The following NSD1 variants were observed in gnomAD, a reference collection of about 807,000 sequenced individuals.
NSD1 encodes histone-lysine N-methyltransferase, H3 lysine-36 specific.
Under a neutral mutation model 242.7 loss-of-function variants are expected in NSD1, and 26 were observed. The observed-to-expected ratio is 0.11, with a 90% CI of 0.08 to 0.15. The LOEUF (loss-of-function observed/expected upper bound fraction) is 0.15. NSD1 is among the 10% of genes least tolerant of loss of function. NSD1 has a pLI of 1.00. For missense variants in NSD1, 2,495 were observed against 3,272.8 expected (o/e 0.76, Z 5.80); for synonymous variants, 1,106 against 1,178.1 (o/e 0.94, Z 1.25).
intron 2 of NSD1, among the ~76,000 whole-genome samples, chr5:177,142,380 A>G (rs912413994): frequency 6.6e-6 from 1 of 152,254 alleles, no homozygotes; most frequent in Admixed American, 6.5e-5. Flanking sequence ...AAACTAGTGT[A>G]AACAATGACA....
intron 3 of NSD1, among the ~76,000 whole-genome samples, chr5:177,198,396 G>A (rs111452336): frequency 5.9e-4 from 90 of 152,218 alleles, no homozygotes; most frequent in Middle Eastern, 3.4e-3. Flanking sequence ...TCCCAAGTGA[G>A]GGCTGTCTTC....
chr5:177,160,478 T>G (rs1029823998), intron 2 of NSD1, among the ~76,000 whole-genome samples: 27 of 149,890 alleles, frequency 1.8e-4, no homozygotes, highest in African/African-American at 6.1e-4. Context: ...TTTTTTTGTA[T>G]TTTTAGTAGT....
At chr5:177,140,868 CA>C (rs969193617) in intron 2 of NSD1, among the ~76,000 whole-genome samples, 4 of 152,078 alleles carry the variant, frequency 2.6e-5, no homozygotes, top group African/African-American at 4.8e-5. Context: ...CTGCCTGAGA[CA>C]AAAATGATTC....
intron 12 of NSD1, among the ~76,000 whole-genome samples, chr5:177,253,733 A>G (rs1756194790): frequency 6.6e-6 from 1 of 152,028 alleles, no homozygotes; most frequent in Non-Finnish European, 1.5e-5. Flanking sequence ...CCCAGGCTCA[A>G]GCTATCCTTC....
intron 8 of NSD1, among the ~76,000 whole-genome samples, chr5:177,240,657 G>A (rs1019808855): frequency 1.3e-5 from 2 of 152,156 alleles, no homozygotes; most frequent in Admixed American, 1.3e-4. Flanking sequence ...AGCTTGCAGT[G>A]AGCCGAGATG....
At chr5:177,168,043 C>G (rs1297584434) in intron 2 of NSD1, among the ~76,000 whole-genome samples, 1 of 152,126 alleles carries the variant, frequency 6.6e-6, no homozygotes, top group African/African-American at 2.4e-5. Context: ...CATCGGGATT[C>G]CACTGAATCT....
At chr5:177,284,706 C>T (rs1442133343) in intron 20 of NSD1, among the ~76,000 whole-genome samples, 3 of 152,242 alleles carry the variant, frequency 2.0e-5, no homozygotes, top group Admixed American at 2.0e-4. Flanking sequence ...GCTCTTCAGT[C>T]TCCTTTCTCA....
chr5:177,238,434 G>A lies in NSD1; in HGVS notation c.4119G>A (p.Leu1373=). Residue 1373 remains leucine, a synonymous_variant, in exon 7 of 23, where the codon TTG becomes TTA. Transcript: ENST00000439151. This position sits in a 1 kb window ranked among gnomAD's most constrained non-coding sequence, Gnocchi z 4.6. ...GGHAELPQLT[L]SVPVAPEVSP... ...ATGCTGAGTTGCCGCAGCTGACCTT[G>A]TCTGTGCCTGTGGCTCCGGAAGTCT... 1.2e-6 allele frequency: 2 copies of A among 1,614,142 alleles called. No homozygotes were observed. The highest frequency in any genetic ancestry group is 1.3e-5 in the African/African-American group (1 of 75,050).
intron 2 of NSD1, among the ~76,000 whole-genome samples, chr5:177,157,933 A>C (rs981354968): frequency 6.6e-6 from 1 of 152,204 alleles, no homozygotes; most frequent in Non-Finnish European, 1.5e-5. Context: ...GTATGTATGC[A>C]TACTTCATTC....
chr5:177,260,215 A>G, intron 14 of NSD1, 47 bp downstream of exon 14: 1 of 1,563,652 alleles, frequency 6.4e-7, no homozygotes, highest in East Asian at 2.3e-5. Context: ...AAGGGATTAA[A>G]TCAATGTTTT....
At chr5:177,185,819 ATAAT>A (rs1272016812) in intron 2 of NSD1, among the ~76,000 whole-genome samples, 10 of 91,682 alleles carry the variant, frequency 1.1e-4, no homozygotes, top group Non-Finnish European at 9.5e-5. Flanking sequence ...ATTTATATAT[ATAAT>A]ATATAAGTTT....
chr5:177,136,245 T>C, intron 2 of NSD1: 2 of 520,360 alleles, frequency 3.8e-6, no homozygotes, highest in Non-Finnish European at 3.4e-6. Context: ...CAAATAACTC[T>C]TCATTGAGAG....
chr5:177,166,266 G>A (rs1759188178), intron 2 of NSD1, among the ~76,000 whole-genome samples: 2 of 151,984 alleles, frequency 1.3e-5, no homozygotes, highest in Admixed American at 6.6e-5. Flanking sequence ...TTGCTTTTAG[G>A]GTTGGGCAAG....
At chr5:177,139,159 G>A (rs1756595969) in intron 2 of NSD1, among the ~76,000 whole-genome samples, 2 of 151,826 alleles carry the variant, frequency 1.3e-5, no homozygotes, top group Admixed American at 6.6e-5. Flanking sequence ...GCTGAGGCAG[G>A]AGAATCACTT....
In NSD1 at chr5:177,199,318, C is replaced by T. The variant is rs1269341974; in HGVS notation, c.1064-4802C>T. Among the ~76,000 whole-genome samples, 5 of 152,084 alleles carry T rather than the reference C, an allele frequency of 3.3e-5. No homozygotes were observed. The South Asian group carries it at 6.2e-4, about 19-fold the overall frequency. ...TGTTGCTCAGGCTGGAGTGTAGTGA[C>T]GCGATGTCAGCTCACTGCAACCTCT... On this transcript the variant is annotated intron_variant, in intron 3 of 22. Coordinates refer to ENST00000439151, the MANE Select transcript of NSD1 (RefSeq NM_022455.5).
intron 13 of NSD1, 86 bp downstream of exon 13, chr5:177,257,237 T>TC: frequency 1.7e-6 from 2 of 1,204,810 alleles, no homozygotes; most frequent in Admixed American, 2.2e-5. Context: ...TCTTTTTTTT[T>TC]TTTTTTTTTT....
At chr5:177,277,731 G>T (rs1202936261) in intron 17 of NSD1, among the ~76,000 whole-genome samples, 3 of 152,036 alleles carry the variant, frequency 2.0e-5, no homozygotes, top group African/African-American at 7.2e-5. Context: ...AAAAAATTTG[G>T]GGTGCCTGTT....
intron 18 of NSD1, among the ~76,000 whole-genome samples, chr5:177,282,140 A>G (rs1758939851): frequency 2.0e-5 from 3 of 152,192 alleles, no homozygotes. Flanking sequence ...GGGGAAGCCA[A>G]TTCTCGGGCT....
At chr5:177,244,376 C>T (rs1314706685) in intron 9 of NSD1, 106 bp downstream of exon 9, 7 of 823,458 alleles carry the variant, frequency 8.5e-6, no homozygotes, top group Non-Finnish European at 2.0e-6. Flanking sequence ...CAGTGAGGTA[C>T]AAGTTTTAAA....
Sources: gnomAD v4.1 joint callset for allele counts (sites outside exome capture counted in the v4.1 genomes callset) on GRCh38, gnomAD v4.1.1 for gene constraint, Gnocchi (gnomAD v3.1) non-coding constraint, MANE v1.5 for transcripts, NCBI Gene and HGNC (gene_info 2026-07-23, HGNC 2026-07-21) for gene names.